The following GRB14 variants were observed in gnomAD, a reference collection of about 807,000 sequenced individuals.
GRB14 encodes the protein growth factor receptor bound protein 14.
GRB14 carries 38 observed loss-of-function variants against 69.1 expected under a neutral mutation model. That is an observed-to-expected ratio of 0.55 (90% CI 0.42 to 0.72). The LOEUF (loss-of-function observed/expected upper bound fraction) is 0.72. Among genes scored for constraint, GRB14 ranks in the 30% least tolerant of loss-of-function variants. GRB14 has a pLI of 0.00. For missense variants in GRB14, 666 were observed against 666.1 expected, an observed-to-expected ratio of 1.00 and a Z score of 0.00; for synonymous variants, 247 against 241.3, an observed-to-expected ratio of 1.02 and a Z score of -0.22.
At chr2:164,529,852 T>C (rs1345384155) in intron 3 of GRB14, among the ~76,000 whole-genome samples, 3 of 152,220 alleles carry the variant, frequency 2.0e-5, no homozygotes, top group Non-Finnish European at 4.4e-5. Context: ...TATAGATAAA[T>C]GCATATAGTC....
chr2:164,501,675 T>A (rs999676974), intron 9 of GRB14, among the ~76,000 whole-genome samples: 1 of 152,100 alleles, frequency 6.6e-6, no homozygotes, highest in African/African-American at 2.4e-5. Flanking sequence ...ACGACCTATA[T>A]TTTGGCTTGC....
At chr2:164,524,909 AT>A in intron 5 of GRB14, 94 bp downstream of exon 5, 1 of 682,630 alleles carries the variant, frequency 1.5e-6, no homozygotes, top group Non-Finnish European at 2.4e-6. Context: ...AATTCAAAGC[AT>A]AACTTTTCAA....
chr2:164,523,645 G>A (rs531280819), intron 5 of GRB14, among the ~76,000 whole-genome samples: 2 of 152,076 alleles, frequency 1.3e-5, no homozygotes, highest in South Asian at 4.2e-4. Flanking sequence ...TTTTTAGTTT[G>A]AGTGCTTTCC....
At chr2:164,595,769 C>T (rs1402429614) in intron 2 of GRB14, among the ~76,000 whole-genome samples, 1 of 152,128 alleles carries the variant, frequency 6.6e-6, no homozygotes, top group Non-Finnish European at 1.5e-5. Flanking sequence ...TCTGGCAGAA[C>T]AGTTGGTGGC....
At position 164,621,081 on chromosome 2, in the gene GRB14, A is replaced by C; in HGVS notation, c.191+38T>G. 1 of 1,244,714 alleles carries C rather than the reference A, an allele frequency of 8.0e-7. No homozygotes were observed. Among genetic ancestry groups the C allele is most frequent in the Non-Finnish European group, 1.0e-6 (1 of 987,454 alleles). 77.1% of individuals were successfully genotyped at this position (1,244,714 alleles called of 1,614,324 possible). A position where few individuals can be genotyped will look rare whatever the true frequency, so the allele number is the denominator to read the frequency against. On this transcript the variant is annotated intron_variant, in intron 1 of 13. Transcript: ENST00000263915. The surrounding 1 kb of genome is among the most constrained non-coding windows in gnomAD (Gnocchi z 6.0). The stretch of plus-strand genomic sequence containing the variant: ...CTCCTCACCCCCTCGCCGGCTGCCC[A>C]GCCAGGACACTCCCCCGCGCCCTCC...
chr2:164,573,725 T>C, intron 2 of GRB14: 1 of 1,605,282 alleles, frequency 6.2e-7, no homozygotes, highest in South Asian at 1.1e-5. Context: ...TCTAATTAAG[T>C]TTCTTCTCAA....
chr2:164,575,267 C>T (rs1339600202), intron 2 of GRB14, among the ~76,000 whole-genome samples: 1 of 152,104 alleles, frequency 6.6e-6, no homozygotes, highest in African/African-American at 2.4e-5. Flanking sequence ...AAATTTTGAA[C>T]ATATTACAAA....
chr2:164,605,878 G>C (rs1228305856), intron 2 of GRB14, among the ~76,000 whole-genome samples: 1 of 152,126 alleles, frequency 6.6e-6, no homozygotes, highest in Non-Finnish European at 1.5e-5. Flanking sequence ...ACCCTCATGA[G>C]AGTCACAAGG....
intron 2 of GRB14, among the ~76,000 whole-genome samples, chr2:164,571,791 A>G (rs999960476): frequency 3.3e-5 from 5 of 152,224 alleles, no homozygotes; most frequent in African/African-American, 9.6e-5. Flanking sequence ...CCAAGTTCAC[A>G]AAGTCCATAG....
rs945417742 is a variant in GRB14 at position 164,621,094 on chromosome 2, C to A, written c.191+25G>T. ...CGCCGGCTGCCCAGCCAGGACACTCCCCCGCGCCCTCCAGGGTTGCCTACC... is the reference window on the plus strand; with the variant it reads ...CGCCGGCTGCCCAGCCAGGACACTCACCCGCGCCCTCCAGGGTTGCCTACC... On this transcript the variant is annotated intron_variant, in intron 1 of 13. Coordinates refer to ENST00000263915, the MANE Select transcript of GRB14 (RefSeq NM_004490.3). This position sits in a 1 kb window ranked among gnomAD's most constrained non-coding sequence, Gnocchi z 6.0. The A allele has an allele frequency of 1.6e-6, 2 of 1,245,804 alleles. No homozygotes were observed. The highest frequency in any genetic ancestry group is 1.0e-6 in the Non-Finnish European group (1 of 988,182). The allele number at this position is 1,245,804 out of a possible 1,614,324, so 77.2% of individuals were successfully genotyped here. A position where few individuals can be genotyped will look rare whatever the true frequency, so the allele number is the denominator to read the frequency against.
chr2:164,619,882 A>G, intron 1 of GRB14, 63 bp from the exon 2 acceptor site: 2 of 1,406,966 alleles, frequency 1.4e-6, no homozygotes, highest in Non-Finnish European at 2.0e-6. Context: ...AATTGCTGTC[A>G]GGAATAAAAA....
chr2:164,586,003 G>A (rs1689529018), intron 2 of GRB14, among the ~76,000 whole-genome samples: 1 of 152,174 alleles, frequency 6.6e-6, no homozygotes. Context: ...TATGCCTTAA[G>A]TCATTTCAGT....
intron 2 of GRB14, among the ~76,000 whole-genome samples, chr2:164,580,442 T>C (rs934665556): frequency 2.0e-5 from 3 of 148,170 alleles, no homozygotes; most frequent in Non-Finnish European, 3.0e-5. Flanking sequence ...CGGTGGCTCA[T>C]GCCTGTAATC....
At chr2:164,517,027 A>G (rs904795933) in intron 6 of GRB14, among the ~76,000 whole-genome samples, 6 of 152,156 alleles carry the variant, frequency 3.9e-5, no homozygotes, top group African/African-American at 1.4e-4. Context: ...CATCTGTATT[A>G]GCCTGTTTTC....
chr2:164,613,537 C>T (rs1040345343), intron 2 of GRB14, among the ~76,000 whole-genome samples: 5 of 152,086 alleles, frequency 3.3e-5, no homozygotes, highest in African/African-American at 7.2e-5. Context: ...CACTTGAGGC[C>T]GCTGGCACTG....
chr2:164,553,561 T>A (rs1559048166), intron 2 of GRB14, among the ~76,000 whole-genome samples: 1 of 152,248 alleles, frequency 6.6e-6, no homozygotes, highest in Non-Finnish European at 1.5e-5. Flanking sequence ...TTCCACGCAG[T>A]AAATCTCTGT....
chr2:164,552,043 G>A (rs555433866), intron 2 of GRB14, among the ~76,000 whole-genome samples: 8 of 152,240 alleles, frequency 5.3e-5, no homozygotes, highest in East Asian at 3.9e-4. Flanking sequence ...AGGGGAGGGC[G>A]GTGTAAGATG....
intron 2 of GRB14, among the ~76,000 whole-genome samples, chr2:164,592,977 G>A (rs1441258322): frequency 6.6e-6 from 1 of 152,118 alleles, no homozygotes; most frequent in Non-Finnish European, 1.5e-5. Flanking sequence ...TTGCAAGTGT[G>A]CAAAAACCCA....
chr2:164,547,507 A>G (rs1688410288), intron 3 of GRB14, among the ~76,000 whole-genome samples, 153 bp downstream of exon 3: 1 of 152,214 alleles, frequency 6.6e-6, no homozygotes. Context: ...ATCAGAAGGA[A>G]AAAAAGAAAA....
Sources: allele counts gnomAD v4.1 joint callset (sites outside exome capture counted in the v4.1 genomes callset), GRCh38; gene constraint gnomAD v4.1.1; non-coding constraint Gnocchi (gnomAD v3.1); transcripts MANE v1.5; gene names NCBI Gene and HGNC (gene_info 2026-07-23, HGNC 2026-07-21).